The following DDX10 variants were observed in gnomAD, a reference collection of about 807,000 sequenced individuals.
The protein encoded by DDX10 is DEAD-box helicase 10.
A neutral mutation model predicts 104.3 loss-of-function variants in DDX10; 74 were observed. That is an observed-to-expected ratio of 0.71 (90% confidence interval 0.59 to 0.86). The LOEUF (loss-of-function observed/expected upper bound fraction) is 0.86, where lower values mean the gene tolerates loss of function less well. Among genes scored for constraint, DDX10 ranks in the 40% least tolerant of loss-of-function variants. DDX10 has a pLI of 0.00. For synonymous variants in DDX10, 351 were observed against 353.4 expected (o/e 0.99, Z 0.08); for missense variants, 952 against 1,040.0 (o/e 0.92, Z 1.16).
intron 16 of DDX10, among the ~76,000 whole-genome samples, chr11:108,867,781 G>A (rs534004940): frequency 6.6e-6 from 1 of 152,246 alleles, no homozygotes; most frequent in South Asian, 2.1e-4. Context: ...AAATGTATAG[G>A]AAAATTATTA....
At chr11:108,839,404 C>T (rs986441763) in intron 14 of DDX10, among the ~76,000 whole-genome samples, 7 of 152,072 alleles carry the variant, frequency 4.6e-5, no homozygotes, top group Non-Finnish European at 1.0e-4. Context: ...TCAGTTTCTT[C>T]CACTCCACTT....
intron 13 of DDX10, among the ~76,000 whole-genome samples, chr11:108,754,611 T>C (rs2094342354): frequency 1.3e-5 from 2 of 151,992 alleles, no homozygotes; most frequent in African/African-American, 2.4e-5. Flanking sequence ...CACTTGGAAA[T>C]GAAATAGATG....
chr11:108,808,730 T>C (rs867566380), intron 13 of DDX10, among the ~76,000 whole-genome samples: 5 of 152,090 alleles, frequency 3.3e-5, no homozygotes, highest in African/African-American at 1.2e-4. Flanking sequence ...TGCTCATGTC[T>C]CTCAGCAGCA....
At chr11:108,875,542 T>G (rs1312413163) in intron 16 of DDX10, among the ~76,000 whole-genome samples, 1 of 152,146 alleles carries the variant, frequency 6.6e-6, no homozygotes, top group Admixed American at 6.5e-5. Flanking sequence ...CAGAATGCCT[T>G]TTGTGGCTGC....
chr11:108,857,836 C>CTTTA (rs1258177377), intron 16 of DDX10, among the ~76,000 whole-genome samples: 4 of 152,208 alleles, frequency 2.6e-5, no homozygotes, highest in African/African-American at 9.7e-5. Context: ...ATTTGAGAGT[C>CTTTA]TTAAAAACTG....
intron 16 of DDX10, among the ~76,000 whole-genome samples, chr11:108,870,983 T>C (rs1308693904): frequency 6.6e-6 from 1 of 152,166 alleles, no homozygotes; most frequent in African/African-American, 2.4e-5. Flanking sequence ...TTGAAAGGCA[T>C]AATAACTCTA....
At chr11:108,697,224 C>CTT (rs5794600) in intron 9 of DDX10, among the ~76,000 whole-genome samples, 2 of 121,480 alleles carry the variant, frequency 1.6e-5, no homozygotes, top group Non-Finnish European at 1.7e-5. Flanking sequence ...ATATATAATG[C>CTT]TTTTTTTTTT....
At chr11:108,761,725 A>G (rs564122845) in intron 13 of DDX10, among the ~76,000 whole-genome samples, 2 of 152,244 alleles carry the variant, frequency 1.3e-5, no homozygotes, top group South Asian at 4.1e-4. Context: ...TCCAACTTAC[A>G]TATCTTTTGG....
chr11:108,850,791 A>G (rs1159920771), intron 15 of DDX10, among the ~76,000 whole-genome samples: 1 of 152,132 alleles, frequency 6.6e-6, no homozygotes, highest in African/African-American at 2.4e-5. Context: ...TAGATTTGAG[A>G]GAGTGAGGAC....
chr11:108,817,200 A>G (rs1862267501), intron 13 of DDX10, among the ~76,000 whole-genome samples: 1 of 152,176 alleles, frequency 6.6e-6, no homozygotes, highest in East Asian at 1.9e-4. Context: ...TCTTTCTTTC[A>G]TATTCAGGGT....
intron 16 of DDX10, among the ~76,000 whole-genome samples, chr11:108,864,693 C>T (rs1862985681): frequency 6.6e-6 from 1 of 152,034 alleles, no homozygotes; most frequent in Non-Finnish European, 1.5e-5. Flanking sequence ...CTCCTGGACT[C>T]ACGTGATCCT....
intron 11 of DDX10, among the ~76,000 whole-genome samples, chr11:108,717,983 A>G (rs2094293632): frequency 1.3e-5 from 2 of 151,928 alleles, no homozygotes; most frequent in South Asian, 4.2e-4. Flanking sequence ...ACAGGGTGAA[A>G]CCCTGTCTCT....
At chr11:108,770,212 A>G (rs2094361235) in intron 13 of DDX10, among the ~76,000 whole-genome samples, 1 of 152,210 alleles carries the variant, frequency 6.6e-6, no homozygotes, top group Non-Finnish European at 1.5e-5. Context: ...GTTTTGATAC[A>G]GGCATGTAAT....
intron 17 of DDX10, among the ~76,000 whole-genome samples, chr11:108,931,199 A>C (rs1863971942): frequency 6.6e-6 from 1 of 152,260 alleles, no homozygotes; most frequent in East Asian, 1.9e-4. Context: ...GGTAAAGACC[A>C]ATATAATCCA....
intron 13 of DDX10, among the ~76,000 whole-genome samples, chr11:108,753,808 T>G (rs983745269): frequency 1.3e-4 from 20 of 152,012 alleles, no homozygotes; most frequent in African/African-American, 4.8e-4. Flanking sequence ...TTTAATTTGG[T>G]GTTACTCTGA....
At chr11:108,765,640 C>G (rs2094355561) in intron 13 of DDX10, among the ~76,000 whole-genome samples, 1 of 152,210 alleles carries the variant, frequency 6.6e-6, no homozygotes, top group Non-Finnish European at 1.5e-5. Context: ...TTTACTTCTG[C>G]ATTGCAAAAT....
chr11:108,900,853 C>CT (rs1192255372), intron 16 of DDX10, among the ~76,000 whole-genome samples: 1 of 152,112 alleles, frequency 6.6e-6, no homozygotes, highest in Non-Finnish European at 1.5e-5. Flanking sequence ...GACTTGGTAC[C>CT]TTTACTAGTT....
In DDX10 at chr11:108,766,375, T is replaced by A. The variant is rs565966534; in HGVS notation, c.1965+42913T>A. ...TGAGAATAAGGTAGCGCAGGATTTT[T>A]AAAATTCTTTACTTCACTCAAGTAC... is the stretch of plus-strand genomic sequence containing the variant. On this transcript the variant is annotated intron_variant, in intron 13 of 17. Coordinates refer to ENST00000322536, the MANE Select transcript of DDX10 (RefSeq NM_004398.4). Among the ~76,000 whole-genome samples the A allele has an allele frequency of 7.9e-5, 12 of 152,352 alleles. No individual in the cohort carries two copies. In the South Asian group the frequency reaches 2.3e-3, roughly 29 times the overall value.
chr11:108,763,982 A>G (rs1248352551), intron 13 of DDX10, among the ~76,000 whole-genome samples: 2 of 152,176 alleles, frequency 1.3e-5, no homozygotes, highest in Non-Finnish European at 2.9e-5. Flanking sequence ...TCATTATTTT[A>G]TTGGCCAAGT....
Sources: gnomAD v4.1 joint callset for allele counts (sites outside exome capture counted in the v4.1 genomes callset) on GRCh38, gnomAD v4.1.1 for gene constraint, MANE v1.5 for transcripts, NCBI Gene and HGNC (gene_info 2026-07-23, HGNC 2026-07-21) for gene names.